PCDHGB2: variants seen among roughly 807,000 people sequenced by gnomAD.
PCDHGB2 encodes protocadherin gamma-B2.
A neutral mutation model predicts 59.3 loss-of-function variants in PCDHGB2; 55 were observed. That is an observed-to-expected ratio of 0.93 (90% CI 0.75 to 1.16). The LOEUF (loss-of-function observed/expected upper bound fraction) is 1.16. Ranked by LOEUF, PCDHGB2 falls within the 50% of genes most tolerant of loss-of-function variation. PCDHGB2 has a pLI of 0.00. For synonymous variants in PCDHGB2, 516 were observed against 512.0 expected, an observed-to-expected ratio of 1.01 and a Z score of -0.11; for missense variants, 1,228 against 1,198.5, an observed-to-expected ratio of 1.02 and a Z score of -0.36.
At chr5:141,404,384 G>C in intron 1 of PCDHGB2, 9 of 1,613,904 alleles carry the variant, frequency 5.6e-6, no homozygotes, top group African/African-American at 1.3e-5. Context: ...GATTGCCTAT[G>C]ACCCTGATAG....
chr5:141,414,078 T>C lies in PCDHGB2; in HGVS notation c.2421+51522T>C, dbSNP rs777190406. 3.1e-6 allele frequency: 5 copies of C among 1,603,326 alleles called. No individual in the cohort carries two copies. In the South Asian group the frequency reaches 4.5e-5, roughly 14 times the overall value. ...TGTTGAAGTTCCAACTAAACAAATA[T>C]ACTGGAGAAATAAAAATATCAGAAA... On this transcript the variant is annotated intron_variant, in intron 1 of 3. Transcript: ENST00000522605.
chr5:141,415,772 T>TTTTA, intron 1 of PCDHGB2: 1 of 1,332,982 alleles, frequency 7.5e-7, no homozygotes, highest in Non-Finnish European at 9.6e-7. Context: ...TTTTTTTTTT[T>TTTTA]ACTTTCTGGT....
chr5:141,455,550 G>C lies in PCDHGB2; in HGVS notation c.2422-39257G>C, dbSNP rs1195359804. On this transcript the variant is annotated intron_variant, in intron 1 of 3. Transcript: ENST00000522605. ...ACCAGGCATATCATTCACGTAGCCC[G>C]AGAAAAAGCTGGCCCTCCCACCCCA... 2.0e-5 allele frequency among the ~76,000 whole-genome samples: 3 copies of C among 152,138 alleles called. No individual in the cohort carries two copies. In the South Asian group the frequency reaches 6.2e-4, roughly 32 times the overall value.
intron 1 of PCDHGB2, among the ~76,000 whole-genome samples, chr5:141,475,532 T>C (rs1011968434): frequency 6.6e-6 from 1 of 152,228 alleles, no homozygotes; most frequent in East Asian, 1.9e-4. Context: ...AAATGCCTCC[T>C]TACAAGTAGG....
Position 141,360,204 on chromosome 5 carries a change from T to G in PCDHGB2, c.69T>G (p.Ser23=), listed in dbSNP as rs751196822. The G allele has an allele frequency of 6.2e-7, 1 of 1,612,988 alleles. No individual in the cohort carries two copies. Among genetic ancestry groups the G allele is most frequent in the Non-Finnish European group, 8.5e-7 (1 of 1,179,408 alleles). ...WLQVLLPFLL[S]LFPGALPVQI... ...AGGTACTGTTGCCCTTCCTGTTGTCTTTGTTCCCCGGGGCTCTCCCAGTCC... is the reference window on the plus strand; with the variant it reads ...AGGTACTGTTGCCCTTCCTGTTGTCGTTGTTCCCCGGGGCTCTCCCAGTCC... Residue 23 remains serine (S), a synonymous_variant, in exon 1 of 4, where the codon TCT becomes TCG. Transcript: ENST00000522605.
intron 1 of PCDHGB2, chr5:141,393,852 G>A (rs780721020): frequency 3.1e-6 from 5 of 1,614,004 alleles, no homozygotes; most frequent in South Asian, 1.1e-5. Flanking sequence ...TAGACCAGAA[G>A]TGATCATTAC....
intron 1 of PCDHGB2, among the ~76,000 whole-genome samples, chr5:141,448,948 A>C (rs918513864): frequency 6.6e-6 from 1 of 152,170 alleles, no homozygotes; most frequent in African/African-American, 2.4e-5. Flanking sequence ...GCAACTCAAA[A>C]AAACAAACAA....
chr5:141,366,803 T>C, intron 1 of PCDHGB2: 1 of 1,562,322 alleles, frequency 6.4e-7, no homozygotes. Context: ...TTTGTTTCCT[T>C]TTTCATGTTT....
chr5:141,395,819 T>A (rs2093315125), intron 1 of PCDHGB2: 1 of 152,210 alleles, frequency 6.6e-6, no homozygotes, highest in Admixed American at 6.5e-5. Context: ...ATGAACAAAC[T>A]TTAAAGATGG....
chr5:141,451,148 G>A (rs536843411), intron 1 of PCDHGB2, among the ~76,000 whole-genome samples: 2 of 152,154 alleles, frequency 1.3e-5, no homozygotes, highest in East Asian at 3.9e-4. Flanking sequence ...ATTTAGACTA[G>A]ACATTTTTTT....
chr5:141,406,258 G>C (rs895877034), intron 1 of PCDHGB2, among the ~76,000 whole-genome samples: 13 of 151,882 alleles, frequency 8.6e-5, no homozygotes, highest in South Asian at 2.1e-4. Flanking sequence ...GGTCTCAAAC[G>C]ATCTTCCTGC....
chr5:141,421,855 C>T (rs1329066630), intron 1 of PCDHGB2: 1 of 1,613,764 alleles, frequency 6.2e-7, no homozygotes, highest in East Asian at 2.2e-5. Context: ...GGCTGCTCAC[C>T]TGCTCCTCCT....
chr5:141,428,131 G>T, intron 1 of PCDHGB2: 1 of 1,602,720 alleles, frequency 6.2e-7, no homozygotes, highest in Non-Finnish European at 8.5e-7. Flanking sequence ...GGGCTTTTCA[G>T]CCTGGGGCTG....
chr5:141,393,171 G>A (rs768471669), intron 1 of PCDHGB2: 1 of 1,613,268 alleles, frequency 6.2e-7, no homozygotes, highest in Non-Finnish European at 8.5e-7. Context: ...CTTTGGGGTA[G>A]AAATAGAAAT....
At chr5:141,394,635 C>T (rs754317215) in intron 1 of PCDHGB2, 1 of 1,613,428 alleles carries the variant, frequency 6.2e-7, no homozygotes, top group Non-Finnish European at 8.5e-7. Context: ...GTCCTACCGC[C>T]TGCTCAAGGC....
intron 1 of PCDHGB2, 33 bp from the exon 2 acceptor site, chr5:141,494,774 T>C (rs1462930792): frequency 6.2e-7 from 1 of 1,613,860 alleles, no homozygotes; most frequent in African/African-American, 1.3e-5. Flanking sequence ...TTCTCACGGG[T>C]ACTCAGCCCC....
chr5:141,496,144 T>C (rs1478887814), intron 2 of PCDHGB2, among the ~76,000 whole-genome samples: 1 of 151,780 alleles, frequency 6.6e-6, no homozygotes, highest in Non-Finnish European at 1.5e-5. Context: ...GAGCCTTTGA[T>C]CGCAGCTCTC....
intron 2 of PCDHGB2, among the ~76,000 whole-genome samples, chr5:141,502,496 C>T (rs934563545): frequency 2.0e-5 from 3 of 152,178 alleles, no homozygotes; most frequent in Admixed American, 6.5e-5. Context: ...ACTCATCTAA[C>T]GTCGGCCTGT....
At chr5:141,423,920 G>A (rs2096790804) in intron 1 of PCDHGB2, 2 of 1,258,728 alleles carry the variant, frequency 1.6e-6, no homozygotes, top group African/African-American at 1.6e-5. Flanking sequence ...ATTCAACTAT[G>A]CTGGTTTGGT....
Sources: gnomAD v4.1 joint callset for allele counts (sites outside exome capture counted in the v4.1 genomes callset) on GRCh38, gnomAD v4.1.1 for gene constraint, MANE v1.5 for transcripts, NCBI Gene and HGNC (gene_info 2026-07-23, HGNC 2026-07-21) for gene names.